Variants in PCLO observed in about 807,000 individuals in gnomAD.
PCLO encodes piccolo presynaptic cytomatrix protein, also known as protein piccolo.
In PCLO, 82 loss-of-function variants were observed where a neutral mutation model predicts 427.5. The observed-to-expected ratio is 0.19, with a 90% CI of 0.16 to 0.23. The LOEUF is 0.23. Among genes scored for constraint, PCLO ranks in the 10% least tolerant of loss-of-function variants. The pLI is 1.00. For missense variants in PCLO, 6,239 were observed against 6,115.9 expected, an observed-to-expected ratio of 1.02 and a Z score of -0.67; for synonymous variants, 2,357 against 2,155.4, an observed-to-expected ratio of 1.09 and a Z score of -2.59.
At chr7:82,863,990 C>A (rs1456100262) in intron 10 of PCLO, among the ~76,000 whole-genome samples, 4 of 152,008 alleles carry the variant, frequency 2.6e-5, no homozygotes, top group South Asian at 2.1e-4. Context: ...ATAGGGTAAG[C>A]AAATCCCCAT....
At chr7:82,807,270 T>C (rs1791475001) in intron 20 of PCLO, among the ~76,000 whole-genome samples, 1 of 152,166 alleles carries the variant, frequency 6.6e-6, no homozygotes, top group South Asian at 2.1e-4. Flanking sequence ...CTCTATTCTC[T>C]TCTAAATCTA....
chr7:83,110,264 GGAT>G (rs1790969720), intron 3 of PCLO, among the ~76,000 whole-genome samples: 1 of 151,648 alleles, frequency 6.6e-6, no homozygotes, highest in African/African-American at 2.4e-5. Flanking sequence ...AAATTCTCAA[GGAT>G]GATATTAAGA....
At chr7:82,791,389 A>G (rs1442747078) in intron 22 of PCLO, among the ~76,000 whole-genome samples, 1 of 152,228 alleles carries the variant, frequency 6.6e-6, no homozygotes, top group Non-Finnish European at 1.5e-5. Context: ...TAGAGAAATC[A>G]CAATGGTGTG....
At chr7:83,007,085 C>T (rs1325437151) in intron 3 of PCLO, among the ~76,000 whole-genome samples, 1 of 151,394 alleles carries the variant, frequency 6.6e-6, no homozygotes, top group Non-Finnish European at 1.5e-5. Context: ...AGGTCCTTGA[C>T]CATTGCCTGT....
At position 82,902,851 on chromosome 7, in the gene PCLO, G is replaced by A. The variant is rs935557504; in HGVS notation, c.13438-110C>T. 27 of 614,340 alleles carry A rather than the reference G, an allele frequency of 4.4e-5. 1 individual carries two copies. The highest frequency in any genetic ancestry group is 5.8e-5 in the Non-Finnish European group (20 of 343,184). 38.1% of individuals were successfully genotyped at this position (614,340 alleles called of 1,614,324 possible). On this transcript the variant is annotated intron_variant, in intron 8 of 24. Coordinates refer to ENST00000333891, the MANE Select transcript of PCLO (RefSeq NM_033026.6). ...AGCACATTGATTAAATCAATGGAACGTAGTAGGAGATTCTCACATGATGGC... is the reference window on the plus strand; with the variant it reads ...AGCACATTGATTAAATCAATGGAACATAGTAGGAGATTCTCACATGATGGC...
chr7:82,838,754 G>A (rs1792293723), intron 14 of PCLO, among the ~76,000 whole-genome samples: 1 of 151,798 alleles, frequency 6.6e-6, no homozygotes, highest in Non-Finnish European at 1.5e-5. Flanking sequence ...TTTGCATTTT[G>A]CCAAATAATT....
chr7:82,966,982 T>C (rs1795790775), intron 3 of PCLO, among the ~76,000 whole-genome samples: 1 of 152,144 alleles, frequency 6.6e-6, no homozygotes, highest in Non-Finnish European at 1.5e-5. Context: ...CAAATATAGT[T>C]CTACCTTTCA....
At chr7:82,933,011 G>A (rs1794874387) in intron 6 of PCLO, among the ~76,000 whole-genome samples, 1 of 151,956 alleles carries the variant, frequency 6.6e-6, no homozygotes, top group Non-Finnish European at 1.5e-5. Flanking sequence ...AGTTCTCCCT[G>A]AAGAGACAGT....
chr7:82,933,765 C>T (rs1304401776), intron 6 of PCLO, among the ~76,000 whole-genome samples: 1 of 151,922 alleles, frequency 6.6e-6, no homozygotes, highest in Non-Finnish European at 1.5e-5. Context: ...AAAATAAGGC[C>T]AAGGCCAAAA....
intron 8 of PCLO, among the ~76,000 whole-genome samples, chr7:82,906,074 C>T (rs965649057): frequency 2.0e-5 from 3 of 151,882 alleles, no homozygotes; most frequent in Non-Finnish European, 2.9e-5. Flanking sequence ...CACACATACA[C>T]ACACATATAA....
At chr7:83,082,128 C>G (rs1013907166) in intron 3 of PCLO, among the ~76,000 whole-genome samples, 9 of 151,512 alleles carry the variant, frequency 5.9e-5, no homozygotes, top group Non-Finnish European at 1.3e-4. Flanking sequence ...CACACACACA[C>G]ACACACGCAC....
chr7:82,995,501 A>T (rs1796475054), intron 3 of PCLO, among the ~76,000 whole-genome samples: 1 of 152,068 alleles, frequency 6.6e-6, no homozygotes, highest in Non-Finnish European at 1.5e-5. Flanking sequence ...CTGGAATATG[A>T]GAAAATGCAA....
chr7:83,155,597 T>C lies in PCLO; in HGVS notation c.1044A>G (p.Thr348=), dbSNP rs372277515. The change falls in exon 2 of 25, where the codon ACA becomes ACG. Residue 348 remains threonine, a synonymous_variant. Coordinates refer to ENST00000333891, the MANE Select transcript of PCLO (RefSeq NM_033026.6). ...CTGGTGGCTGGACTGGGGGTTTCAC[T>C]GTCCCTGGTTGTTGAGCCAATGGCT... The part of the protein sequence containing the change: ...LTKPLAQQPG[T]VKPPVQPPGT... 94 of 1,612,468 alleles carry C rather than the reference T, an allele frequency of 5.8e-5. No individual in the cohort carries two copies. In the African/African-American group the frequency reaches 1.1e-3, roughly 18 times the overall value.
intron 3 of PCLO, among the ~76,000 whole-genome samples, chr7:83,041,536 T>C (rs925601019): frequency 1.3e-5 from 2 of 152,172 alleles, no homozygotes; most frequent in Admixed American, 6.5e-5. Context: ...TTATATATCA[T>C]AGCCATTAGT....
In PCLO at chr7:82,839,621, C is replaced by G. The variant is rs556204597; in HGVS notation, c.14098-1279G>C. Among the ~76,000 whole-genome samples the G allele has an allele frequency of 1.1e-4, 16 of 152,168 alleles. No individual in the cohort carries two copies. The South Asian group carries it at 3.1e-3, about 30-fold the overall frequency. On this transcript the variant is annotated intron_variant, in intron 14 of 24. Coordinates refer to ENST00000333891, the MANE Select transcript of PCLO (RefSeq NM_033026.6). ...GATCTTTATTTAAGGAGAAACACTT[C>G]CCCATTCTCTCCTTTCTCTGCCAGC...
chr7:82,862,167 A>G (rs971782828), intron 10 of PCLO, among the ~76,000 whole-genome samples: 5 of 152,014 alleles, frequency 3.3e-5, no homozygotes, highest in African/African-American at 1.2e-4. Flanking sequence ...CAAAACCAAA[A>G]ATTGGTTTTT....
chr7:83,078,754 G>A (rs1161376762), intron 3 of PCLO, among the ~76,000 whole-genome samples: 2 of 151,868 alleles, frequency 1.3e-5, no homozygotes, highest in African/African-American at 4.8e-5. Context: ...CTTGTCGGTC[G>A]CGAATTCCTG....
chr7:82,764,392 T>A (rs1177283731), intron 22 of PCLO, among the ~76,000 whole-genome samples: 1 of 151,928 alleles, frequency 6.6e-6, no homozygotes, highest in African/African-American at 2.4e-5. Flanking sequence ...ATCATCAATA[T>A]GACATAACAT....
chr7:83,042,047 T>C (rs2116215185), intron 3 of PCLO, among the ~76,000 whole-genome samples: 1 of 152,280 alleles, frequency 6.6e-6, no homozygotes, highest in East Asian at 1.9e-4. Flanking sequence ...TCTGTGGTGC[T>C]ATAGCTGAAC....
Sources: allele counts gnomAD v4.1 joint callset (sites outside exome capture counted in the v4.1 genomes callset), GRCh38; gene constraint gnomAD v4.1.1; transcripts MANE v1.5; gene names NCBI Gene and HGNC (gene_info 2026-07-23, HGNC 2026-07-21).